TSPAN18: variants seen among roughly 807,000 people sequenced by gnomAD.
TSPAN18 encodes tetraspanin-18.
A neutral mutation model predicts 27.3 loss-of-function variants in TSPAN18; 14 were observed. The ratio of observed to expected loss-of-function variants is 0.51; its 90% CI spans 0.34 to 0.80. The LOEUF is 0.80. Ranked by LOEUF, TSPAN18 falls within the 30% of genes least tolerant of loss-of-function variation. The pLI is 0.01. For missense variants in TSPAN18, 268 were observed against 323.9 expected (o/e 0.83, Z 1.32); for synonymous variants, 143 against 136.5 (o/e 1.05, Z -0.33).
chr11:44,742,846 C>T (rs932367205), intron 1 of TSPAN18, among the ~76,000 whole-genome samples: 1 of 152,318 alleles, frequency 6.6e-6, no homozygotes, highest in South Asian at 2.1e-4. Flanking sequence ...TGACAGAGAC[C>T]CTTTCTTATG....
At chr11:44,817,000 A>G (rs1856829733) in intron 2 of TSPAN18, among the ~76,000 whole-genome samples, 1 of 152,216 alleles carries the variant, frequency 6.6e-6, no homozygotes, top group Non-Finnish European at 1.5e-5. Flanking sequence ...CCACATGTGC[A>G]GTGAGCTACT....
chr11:44,735,614 A>G (rs1191530511), intron 1 of TSPAN18, among the ~76,000 whole-genome samples: 2 of 143,028 alleles, frequency 1.4e-5, no homozygotes, highest in Non-Finnish European at 3.0e-5. Flanking sequence ...CACCCTAATG[A>G]CCTCCTCTTT....
chr11:44,915,021 C>G (rs1859854324), intron 5 of TSPAN18, among the ~76,000 whole-genome samples: 1 of 152,194 alleles, frequency 6.6e-6, no homozygotes, highest in South Asian at 2.1e-4. Context: ...CACACACATC[C>G]CAGAGTGACG....
chr11:44,847,724 C>A (rs1297359124), intron 2 of TSPAN18, among the ~76,000 whole-genome samples: 1 of 152,152 alleles, frequency 6.6e-6, no homozygotes, highest in Non-Finnish European at 1.5e-5. Context: ...AACTTCTACA[C>A]CTGCAGAATG....
intron 3 of TSPAN18, among the ~76,000 whole-genome samples, chr11:44,868,114 G>A (rs1858089186): frequency 1.3e-5 from 2 of 152,094 alleles, no homozygotes; most frequent in Admixed American, 6.5e-5. Context: ...AAAGGAGGCC[G>A]GGTGCAGCGT....
At chr11:44,902,184 C>T (rs1488862382) in intron 3 of TSPAN18, among the ~76,000 whole-genome samples, 1 of 152,176 alleles carries the variant, frequency 6.6e-6, no homozygotes, top group Non-Finnish European at 1.5e-5. Flanking sequence ...GTGATAAGAG[C>T]TGTCCATCCT....
chr11:44,765,870 C>T (rs1855557484), intron 2 of TSPAN18, among the ~76,000 whole-genome samples: 1 of 152,018 alleles, frequency 6.6e-6, no homozygotes, highest in African/African-American at 2.4e-5. Context: ...TCATGAAATC[C>T]CTGCAGGCCT....
At position 44,926,713 on chromosome 11, in the gene TSPAN18, G is replaced by A. The variant is rs534068046; in HGVS notation, c.655G>A (p.Val219Ile). 1.3e-5 allele frequency: 21 copies of A among 1,614,126 alleles called. No individual in the cohort carries two copies. The highest frequency in any genetic ancestry group is 4.4e-5 in the South Asian group (4 of 91,084). Reference protein sequence around the residue: ...TVILNTFETYVYLAGALAIGV... With the variant: ...TVILNTFETYIYLAGALAIGV... ...GATCCTCAACACCTTCGAGACCTACGTCTACTTGGCCGGAGCCCTTGCCAT... is the reference window on the plus strand; with the variant it reads ...GATCCTCAACACCTTCGAGACCTACATCTACTTGGCCGGAGCCCTTGCCAT... Residue 219 changes from valine (V) to isoleucine (I), a missense_variant, in exon 9 of 10, where the codon GTC becomes ATC. Physicochemically the swap from Val to Ile is conservative, Grantham distance 29. Coordinates refer to ENST00000520358, the MANE Select transcript of TSPAN18 (RefSeq NM_130783.5).
At chr11:44,873,699 C>T (rs73454509) in intron 3 of TSPAN18, among the ~76,000 whole-genome samples, 2,438 of 152,288 alleles carry the variant, frequency 0.016, 55 homozygotes, top group African/African-American at 0.055. Context: ...TGAGCCACCT[C>T]GAGGAGGTCT....
At chr11:44,908,892 G>C (rs976468660) in intron 4 of TSPAN18, among the ~76,000 whole-genome samples, 1 of 152,026 alleles carries the variant, frequency 6.6e-6, no homozygotes, top group Non-Finnish European at 1.5e-5. Context: ...TTCTTCCTTA[G>C]GGCTGCCTTA....
intron 8 of TSPAN18, chr11:44,926,258 GATCCCCAGGGAC>G (rs1860349381): frequency 5.7e-6 from 1 of 176,458 alleles, no homozygotes; most frequent in Non-Finnish European, 1.2e-5. Flanking sequence ...GAGTGCTGTG[GATCCCCAGGGAC>G]CACCTGTTGG....
intron 9 of TSPAN18, among the ~76,000 whole-genome samples, chr11:44,927,842 G>A (rs944304274): frequency 6.6e-5 from 10 of 152,128 alleles, no homozygotes; most frequent in African/African-American, 1.9e-4. Context: ...TCTGCAAAAT[G>A]GGCTGATCAC....
rs113315521 is a variant in TSPAN18, at chr11:44,910,016, G to A, written c.258+117G>A. The stretch of plus-strand genomic sequence containing the variant: ...AGACCAGTGCTTCCCAAACTGGGGC[G>A]GGCTGTCAAAGCAGAAGGGATCATG... On this transcript the variant is annotated intron_variant, in intron 5 of 9. Transcript: ENST00000520358. The A allele has an allele frequency of 1.1e-4, 136 of 1,289,172 alleles. 1 individual carries two copies. Among genetic ancestry groups the A allele is most frequent in the African/African-American group, 5.9e-4 (40 of 67,240 alleles). The allele number at this position is 1,289,172 out of a possible 1,614,324, so 79.9% of individuals were successfully genotyped here.
intron 1 of TSPAN18, among the ~76,000 whole-genome samples, chr11:44,744,478 C>T (rs779995594): frequency 3.3e-5 from 5 of 152,220 alleles, no homozygotes; most frequent in African/African-American, 1.2e-4. Flanking sequence ...GGAGAGAGAG[C>T]TCTGGCTTAG....
At chr11:44,897,792 G>C in intron 3 of TSPAN18, 1 of 1,289,374 alleles carries the variant, frequency 7.8e-7, no homozygotes, top group Non-Finnish European at 1.0e-6. Context: ...TCGCTGACGG[G>C]AGAGTCTGTC....
chr11:44,916,435 C>T (rs929741330), intron 5 of TSPAN18, among the ~76,000 whole-genome samples: 1 of 152,188 alleles, frequency 6.6e-6, no homozygotes, highest in Non-Finnish European at 1.5e-5. Context: ...TCGGAGGCCA[C>T]AGAGGATCCT....
intron 2 of TSPAN18, among the ~76,000 whole-genome samples, chr11:44,776,877 A>T (rs1226242141): frequency 1.3e-5 from 2 of 152,096 alleles, no homozygotes; most frequent in East Asian, 3.9e-4. Context: ...TTTGGCTTAT[A>T]TTCTGAGTGT....
upstream of TSPAN18, chr11:44,726,679 C>G (rs1401766461): frequency 1.3e-5 from 2 of 151,828 alleles, no homozygotes; most frequent in Non-Finnish European, 2.9e-5. Flanking sequence ...CGAATTCAGA[C>G]GCAGAGAGGG....
chr11:44,817,254 G>T (rs1565162910), intron 2 of TSPAN18, among the ~76,000 whole-genome samples: 1 of 152,260 alleles, frequency 6.6e-6, no homozygotes, highest in Non-Finnish European at 1.5e-5. Flanking sequence ...CTCTTTCTCA[G>T]AGTAAAATGG....
Sources: gnomAD v4.1 joint callset for allele counts (sites outside exome capture counted in the v4.1 genomes callset) on GRCh38, gnomAD v4.1.1 for gene constraint, MANE v1.5 for transcripts, NCBI Gene and HGNC (gene_info 2026-07-23, HGNC 2026-07-21) for gene names.